CUX1: variants seen among roughly 807,000 people sequenced by gnomAD.
The protein encoded by CUX1 is protein CASP.
In CUX1, 31 loss-of-function variants were observed where a neutral mutation model predicts 158.8. That is an observed-to-expected ratio of 0.20 (90% CI 0.15 to 0.26). The LOEUF (loss-of-function observed/expected upper bound fraction) is 0.26, where lower values mean the gene tolerates loss of function less well. Among genes scored for constraint, CUX1 ranks in the 10% least tolerant of loss-of-function variants. CUX1 has a pLI of 1.00. For synonymous variants in CUX1, 879 were observed against 862.1 expected (o/e 1.02, Z -0.34); for missense variants, 1,589 against 2,014.6 (o/e 0.79, Z 4.04).
At chr7:101,977,782 T>TAATA (rs767792552) in intron 2 of CUX1, among the ~76,000 whole-genome samples, 1 of 151,964 alleles carries the variant, frequency 6.6e-6, no homozygotes. Context: ...AAAATAATAA[T>TAATA]AATAAATAAA....
intron 2 of CUX1, among the ~76,000 whole-genome samples, chr7:101,980,367 G>A (rs1271338007): frequency 6.6e-6 from 1 of 152,226 alleles, no homozygotes. Flanking sequence ...AAAAGTAGCT[G>A]AGCATGGTGG....
At position 102,132,308 on chromosome 7, in the gene CUX1, T is replaced by TGCGC. The variant is rs369163250; in HGVS notation, c.674+17048_674+17051dup. On this transcript the variant is annotated intron_variant, in intron 8 of 23. Transcript: ENST00000292535. ...GAGAGAGAGAGTGTGTGTGTGTGTG[T>TGCGC]GCGCGCGCGCGCGCGCACGCCACGC... is the stretch of plus-strand genomic sequence containing the variant. Among the ~76,000 whole-genome samples the TGCGC allele has an allele frequency of 7.0e-5, 4 of 57,092 alleles. No individual in the cohort carries two copies. The East Asian group carries it at 3.2e-3, about 45-fold the overall frequency. The allele number at this position is 57,092 out of a possible 152,430, so 37.5% of individuals were successfully genotyped here. A position where few individuals can be genotyped will look rare whatever the true frequency, so the allele number is the denominator to read the frequency against.
chr7:101,884,381 A>G (rs1460743893), intron 1 of CUX1, among the ~76,000 whole-genome samples: 6 of 152,168 alleles, frequency 3.9e-5, no homozygotes, highest in African/African-American at 1.4e-4. Context: ...CTCCTCTCCC[A>G]TAATTAGATA....
At chr7:101,906,622 T>G (rs1802790883) in intron 1 of CUX1, among the ~76,000 whole-genome samples, 1 of 152,090 alleles carries the variant, frequency 6.6e-6, no homozygotes, top group Non-Finnish European at 1.5e-5. Context: ...CCTGGAGGAC[T>G]GTGTCCTGGT....
intron 2 of CUX1, among the ~76,000 whole-genome samples, chr7:101,986,349 T>C (rs10953355): frequency 0.17 from 25,919 of 152,236 alleles, 2,462 homozygotes; most frequent in Middle Eastern, 0.22. Flanking sequence ...TTTCAAGATA[T>C]GTATTTATTT....
chr7:101,999,643 CAG>C (rs1164555465), intron 2 of CUX1, among the ~76,000 whole-genome samples: 2 of 152,202 alleles, frequency 1.3e-5, no homozygotes, highest in Admixed American at 6.5e-5. Context: ...GACCTCCTGA[CAG>C]AGGATGACGG....
At chr7:101,947,307 T>C (rs187758820) in intron 2 of CUX1, among the ~76,000 whole-genome samples, 1 of 152,270 alleles carries the variant, frequency 6.6e-6, no homozygotes, top group Non-Finnish European at 1.5e-5. Context: ...GGCAGGAGGA[T>C]TGCTTGCACC....
Position 102,252,625 on chromosome 7 carries a change from G to C in CUX1, c.*3583G>C. ...TTTGCATTTAGCCTCTTGACCCGGA[G>C]TTCCGGCCCAAGCTCCCTTGTGATA... On this transcript the variant is annotated 3_prime_UTR_variant, in exon 24 of 24. Transcript: ENST00000292535. The C allele has an allele frequency of 1.0e-6, 1 of 985,328 alleles. No individual in the cohort carries two copies. The highest frequency in any genetic ancestry group is 1.7e-5 in the African/African-American group (1 of 57,234). 61.0% of individuals were successfully genotyped at this position (985,328 alleles called of 1,614,324 possible).
intron 2 of CUX1, among the ~76,000 whole-genome samples, chr7:102,014,660 G>A (rs1275797211): frequency 6.6e-6 from 1 of 152,096 alleles, no homozygotes; most frequent in East Asian, 1.9e-4. Flanking sequence ...GCTAGGTTGG[G>A]ATAATCCGTT....
At chr7:102,237,573 C>T (rs572597046) in intron 22 of CUX1, among the ~76,000 whole-genome samples, 1 of 152,216 alleles carries the variant, frequency 6.6e-6, no homozygotes, top group Admixed American at 6.5e-5. Flanking sequence ...AGAGCCACCA[C>T]GCCCGGCGAT....
At chr7:102,170,397 T>A in intron 9 of CUX1, 49 bp from the exon 10 acceptor site, 1 of 1,299,346 alleles carries the variant, frequency 7.7e-7, no homozygotes, top group South Asian at 1.3e-5. Flanking sequence ...TAATTGTCAG[T>A]TGTTAAACTG....
At chr7:101,949,322 G>A (rs1002638169) in intron 2 of CUX1, among the ~76,000 whole-genome samples, 1 of 151,712 alleles carries the variant, frequency 6.6e-6, no homozygotes, top group South Asian at 2.1e-4. Context: ...CAGTAGAGAC[G>A]GGTTTCACCG....
intron 2 of CUX1, among the ~76,000 whole-genome samples, chr7:101,941,269 T>C (rs1807682211): frequency 2.6e-5 from 4 of 152,150 alleles, no homozygotes; most frequent in African/African-American, 9.7e-5. Context: ...TGGCCTACTT[T>C]TTGCCATAGT....
intron 3 of CUX1, among the ~76,000 whole-genome samples, chr7:102,067,464 T>C (rs1825671049): frequency 6.6e-6 from 1 of 151,496 alleles, no homozygotes; most frequent in Non-Finnish European, 1.5e-5. Context: ...TCTTAAACTC[T>C]TGACCTCATG....
chr7:102,211,729 G>A (rs868933884), intron 20 of CUX1, among the ~76,000 whole-genome samples: 7 of 147,168 alleles, frequency 4.8e-5, no homozygotes, highest in Non-Finnish European at 8.9e-5. Context: ...GCAGTGGGCC[G>A]AGATTGCACT....
At chr7:101,985,757 G>A (rs924923250) in intron 2 of CUX1, among the ~76,000 whole-genome samples, 2 of 152,320 alleles carry the variant, frequency 1.3e-5, no homozygotes, top group Admixed American at 6.5e-5. Context: ...GCCCAGTGCC[G>A]GGTATGGTGT....
intron 6 of CUX1, among the ~76,000 whole-genome samples, chr7:102,105,956 CA>C: frequency 6.6e-6 from 1 of 152,054 alleles, no homozygotes; most frequent in East Asian, 1.9e-4. Context: ...TATCCATCAA[CA>C]GGAAGCACTA....
At chr7:102,071,658 C>T (rs1826151896) in intron 4 of CUX1, among the ~76,000 whole-genome samples, 1 of 152,206 alleles carries the variant, frequency 6.6e-6, no homozygotes, top group African/African-American at 2.4e-5. Flanking sequence ...CTCAGGTCTC[C>T]TTTGTACCTG....
At chr7:102,182,215 C>T (rs1454620998) in intron 11 of CUX1, among the ~76,000 whole-genome samples, 1 of 152,198 alleles carries the variant, frequency 6.6e-6, no homozygotes, top group Admixed American at 6.5e-5. Flanking sequence ...ATCTTTGAGA[C>T]ATGTGCCAGG....
Sources: allele counts gnomAD v4.1 joint callset (sites outside exome capture counted in the v4.1 genomes callset), GRCh38; gene constraint gnomAD v4.1.1; transcripts MANE v1.5; gene names NCBI Gene and HGNC (gene_info 2026-07-23, HGNC 2026-07-21).